GRID2: variants seen among roughly 807,000 people sequenced by gnomAD.
GRID2 encodes the protein glutamate ionotropic receptor delta type subunit 2.
In GRID2, 33 loss-of-function variants were observed where a neutral mutation model predicts 114.8. The ratio of observed to expected loss-of-function variants is 0.29; its 90% CI spans 0.22 to 0.38. The LOEUF is 0.38. GRID2 is among the 10% of genes least tolerant of loss of function. The pLI is 1.00. For missense variants in GRID2, 1,184 were observed against 1,257.7 expected (o/e 0.94, Z 0.89); for synonymous variants, 505 against 449.9 (o/e 1.12, Z -1.55).
chr4:92,372,315 G>A (rs757155361), intron 1 of GRID2, among the ~76,000 whole-genome samples: 20 of 152,200 alleles, frequency 1.3e-4, no homozygotes, highest in South Asian at 2.1e-4. Flanking sequence ...ATGCTACAGA[G>A]AAAACTTTTG....
chr4:93,803,516 G>T (rs554252941), intron 1 of GRID2, among the ~76,000 whole-genome samples: 72 of 152,130 alleles, frequency 4.7e-4, no homozygotes, highest in Non-Finnish European at 7.5e-4. Flanking sequence ...AAGGTCAGGA[G>T]TTCGAGACCA....
intron 1 of GRID2, among the ~76,000 whole-genome samples, chr4:92,340,056 A>C (rs1267563956): frequency 1.3e-5 from 2 of 152,134 alleles, no homozygotes; most frequent in Non-Finnish European, 2.9e-5. Context: ...GTAAACCAAA[A>C]ATATCCCTTT....
Position 92,887,567 on chromosome 4 carries a change from G to A in GRID2, c.245-197428G>A, listed in dbSNP as rs541693914. Among the ~76,000 whole-genome samples, 39 of 152,098 alleles carry A rather than the reference G, an allele frequency of 2.6e-4. No individual in the cohort carries two copies. The South Asian group carries it at 7.7e-3, about 30-fold the overall frequency. ...GTTAGAATCAATGGATCTTGATTCT[G>A]ATCTCTGCCTCTAATTGCATGATGG... is the stretch of plus-strand genomic sequence containing the variant. On this transcript the variant is annotated intron_variant, in intron 2 of 15. Transcript: ENST00000282020.
At position 93,182,965 on chromosome 4, in the gene GRID2, C is replaced by T. The variant is rs897392244; in HGVS notation, c.736-24439C>T. Among the ~76,000 whole-genome samples, 6 of 152,124 alleles carry T rather than the reference C, an allele frequency of 3.9e-5. No homozygotes were observed. In the East Asian group the frequency reaches 5.8e-4, roughly 15 times the overall value. On this transcript the variant is annotated intron_variant, in intron 4 of 15. Transcript: ENST00000282020. The stretch of plus-strand genomic sequence containing the variant: ...CCTACAATTTATGTTTGCGAAGCCC[C>T]GCAGGTGTTTCTGATGCAGTATAAA...
chr4:92,707,788 G>T (rs1344768006), intron 2 of GRID2, among the ~76,000 whole-genome samples: 2 of 152,212 alleles, frequency 1.3e-5, no homozygotes, highest in Non-Finnish European at 2.9e-5. Context: ...TTCTCAGATG[G>T]TTCTGTGTTT....
At chr4:92,408,328 C>A (rs1285442844) in intron 1 of GRID2, among the ~76,000 whole-genome samples, 1 of 149,786 alleles carries the variant, frequency 6.7e-6, no homozygotes, top group Non-Finnish European at 1.5e-5. Context: ...CCATACCATG[C>A]TGTTATGGTT....
chr4:93,475,017 C>A (rs144466300), intron 11 of GRID2, among the ~76,000 whole-genome samples: 100 of 152,176 alleles, frequency 6.6e-4, no homozygotes, highest in African/African-American at 1.9e-3. Flanking sequence ...TGCAACTTCA[C>A]CCTGATCCCC....
chr4:92,469,648 CGGA>C (rs1721928747), intron 1 of GRID2, among the ~76,000 whole-genome samples: 1 of 151,044 alleles, frequency 6.6e-6, no homozygotes, highest in Non-Finnish European at 1.5e-5. Flanking sequence ...TAACCGATAT[CGGA>C]TCAAAAAGAG....
intron 5 of GRID2, among the ~76,000 whole-genome samples, chr4:93,215,713 C>T (rs1450243790): frequency 6.6e-6 from 1 of 151,952 alleles, no homozygotes; most frequent in Non-Finnish European, 1.5e-5. Context: ...CTAACATATG[C>T]TACAAGAATA....
intron 1 of GRID2, among the ~76,000 whole-genome samples, chr4:92,422,780 T>C (rs894800497): frequency 6.6e-6 from 1 of 152,164 alleles, no homozygotes; most frequent in African/African-American, 2.4e-5. Context: ...TCTAATCTTG[T>C]GGCTAATTTG....
intron 2 of GRID2, among the ~76,000 whole-genome samples, chr4:93,055,165 G>A (rs944193219): frequency 6.6e-6 from 1 of 151,642 alleles, no homozygotes; most frequent in African/African-American, 2.4e-5. Context: ...AGTATCTTTT[G>A]TTCCTCTTTT....
At chr4:92,785,142 C>T (rs995562439) in intron 2 of GRID2, among the ~76,000 whole-genome samples, 2 of 149,102 alleles carry the variant, frequency 1.3e-5, no homozygotes, top group Non-Finnish European at 3.0e-5. Flanking sequence ...ACCACTCATG[C>T]ATTTCCAGAC....
intron 2 of GRID2, among the ~76,000 whole-genome samples, chr4:92,871,283 G>T: frequency 6.6e-6 from 1 of 150,814 alleles, no homozygotes. Context: ...TAACTTCAAT[G>T]GTCATTTAGC....
At chr4:92,886,648 C>T (rs373484444) in intron 2 of GRID2, among the ~76,000 whole-genome samples, 14 of 151,966 alleles carry the variant, frequency 9.2e-5, no homozygotes, top group East Asian at 1.9e-4. Flanking sequence ...TTTTTTGAGA[C>T]GGAGTCTCGC....
chr4:93,250,154 A>G (rs542111114), intron 8 of GRID2, among the ~76,000 whole-genome samples: 143 of 152,330 alleles, frequency 9.4e-4, no homozygotes, highest in African/African-American at 3.3e-3. Flanking sequence ...ACCATGCAAT[A>G]CTATGCAGCC....
At chr4:92,430,356 G>C (rs191529947) in intron 1 of GRID2, among the ~76,000 whole-genome samples, 3 of 152,078 alleles carry the variant, frequency 2.0e-5, no homozygotes, top group Non-Finnish European at 4.4e-5. Context: ...TTATTGAAGA[G>C]AATTTCTTTT....
chr4:93,162,442 T>G (rs1359528468), intron 4 of GRID2, among the ~76,000 whole-genome samples: 1 of 151,942 alleles, frequency 6.6e-6, no homozygotes, highest in Non-Finnish European at 1.5e-5. Flanking sequence ...TAAATAAGGA[T>G]AGGCCTGTGT....
intron 1 of GRID2, among the ~76,000 whole-genome samples, chr4:92,577,660 C>G (rs1411768382): frequency 6.6e-6 from 1 of 152,056 alleles, no homozygotes; most frequent in Non-Finnish European, 1.5e-5. Flanking sequence ...AATAAATCTC[C>G]AGTTGAAAGG....
intron 2 of GRID2, among the ~76,000 whole-genome samples, chr4:92,642,181 G>A (rs1406653780): frequency 1.3e-5 from 2 of 151,692 alleles, no homozygotes; most frequent in East Asian, 3.9e-4. Context: ...ATGCTAGGTA[G>A]AATGGTGGCT....
Sources: gnomAD v4.1 joint callset for allele counts (sites outside exome capture counted in the v4.1 genomes callset) on GRCh38, gnomAD v4.1.1 for gene constraint, MANE v1.5 for transcripts, NCBI Gene and HGNC (gene_info 2026-07-23, HGNC 2026-07-21) for gene names.